Variants in COL4A2 observed in about 807,000 individuals in gnomAD.
The protein encoded by COL4A2 is collagen type IV alpha 2 chain, also known as collagen alpha-2(IV) chain.
COL4A2 carries 99 observed loss-of-function variants against 200.2 expected under a neutral mutation model. The observed-to-expected ratio is 0.49, with a 90% CI of 0.42 to 0.58. The LOEUF is 0.58. COL4A2 is among the 20% of genes least tolerant of loss of function. The pLI, the probability that COL4A2 is intolerant of heterozygous loss-of-function variation, is 0.00. For missense variants in COL4A2, 1,950 were observed against 2,314.1 expected (o/e 0.84, Z 3.23); for synonymous variants, 897 against 900.6 (o/e 1.00, Z 0.07).
Position 110,307,527 on chromosome 13 carries a change from A to G in COL4A2, c.-46A>G. 2 of 280,534 alleles carry G rather than the reference A, an allele frequency of 7.1e-6. No homozygotes were observed. The highest frequency in any genetic ancestry group is 6.6e-6 in the Non-Finnish European group (1 of 151,008). 17.4% of individuals were successfully genotyped at this position (280,534 alleles called of 1,614,324 possible). ...GCAGCAGCCCCTGAAGCCGAGCCCGAGGTGAGAGCGACCCCCGAGCGGCGC... is the reference window on the plus strand; with the variant it reads ...GCAGCAGCCCCTGAAGCCGAGCCCGGGGTGAGAGCGACCCCCGAGCGGCGC... On this transcript the variant is annotated splice_region_variant and 5_prime_UTR_variant, in exon 1 of 48. Transcript: ENST00000360467. The surrounding 1 kb of genome is among the most constrained non-coding windows in gnomAD (Gnocchi z 5.0).
At chr13:110,469,078 G>A (rs1882361587) in intron 27 of COL4A2, 139 bp from the exon 28 acceptor site, 4 of 853,036 alleles carry the variant, frequency 4.7e-6, no homozygotes, top group Middle Eastern at 2.3e-4. Context: ...GCCTGGAGGT[G>A]CTGTTTCAGG....
chr13:110,311,094 G>T (rs1035028010), intron 3 of COL4A2, among the ~76,000 whole-genome samples: 4 of 152,124 alleles, frequency 2.6e-5, no homozygotes, highest in Admixed American at 6.5e-5. Context: ...GACTAACAGT[G>T]GAGCGGGCAC....
At position 110,506,624 on chromosome 13, in the gene COL4A2, G is replaced by T; in HGVS notation, c.4594+18G>T. ...GGACCTGGGTAGGTACCTCCCACCC[G>T]GCCCCCGTTGCCTGCTCAGGGCTGG... On this transcript the variant is annotated intron_variant, in intron 46 of 47. Transcript: ENST00000360467. The T allele has an allele frequency of 1.3e-6, 2 of 1,586,066 alleles. No individual in the cohort carries two copies. The highest frequency in any genetic ancestry group is 1.8e-5 in the Admixed American group (1 of 56,440).
At position 110,408,799 on chromosome 13, in the gene COL4A2, GCACACATATATATA is replaced by G. The variant is rs1329812668; in HGVS notation, c.181-15928_181-15915del. ...CCACATGACACGCGTACACACACAC[GCACACATATATATA>G]CACACACACATGCACACACACATAC... is the stretch of plus-strand genomic sequence containing the variant. On this transcript the variant is annotated intron_variant, in intron 4 of 47. Transcript: ENST00000360467. Among the ~76,000 whole-genome samples, 36 of 39,412 alleles carry G rather than the reference GCACACATATATATA, an allele frequency of 9.1e-4. 1 individual carries two copies. Among genetic ancestry groups the G allele is most frequent in the Admixed American group, 5.3e-3 (20 of 3,798 alleles). The allele number at this position is 39,412 out of a possible 152,430, so 25.9% of individuals were successfully genotyped here. A position where few individuals can be genotyped will look rare whatever the true frequency, so the allele number is the denominator to read the frequency against.
intron 4 of COL4A2, among the ~76,000 whole-genome samples, chr13:110,412,760 G>A (rs1879892725): frequency 6.6e-6 from 1 of 152,238 alleles, no homozygotes; most frequent in Non-Finnish European, 1.5e-5. Flanking sequence ...GGAGGAGGGA[G>A]TCCTGGCATT....
intron 4 of COL4A2, among the ~76,000 whole-genome samples, chr13:110,360,005 A>G (rs977417761): frequency 5.9e-5 from 9 of 152,250 alleles, no homozygotes; most frequent in Non-Finnish European, 1.2e-4. Context: ...TAACAAGGCT[A>G]AATAATTTTT....
intron 3 of COL4A2, among the ~76,000 whole-genome samples, chr13:110,342,672 T>C (rs931299888): frequency 1.3e-5 from 2 of 152,192 alleles, no homozygotes; most frequent in Non-Finnish European, 2.9e-5. Flanking sequence ...GCATGTGGGA[T>C]GAGCATTCCT....
rs913173051 is a variant in COL4A2, at chr13:110,512,437, T to C, written c.*246T>C. The C allele has an allele frequency of 4.9e-6, 3 of 610,082 alleles. No individual in the cohort carries two copies. The highest frequency in any genetic ancestry group is 2.2e-5 in the South Asian group (1 of 46,368). 37.8% of individuals were successfully genotyped at this position (610,082 alleles called of 1,614,324 possible). On this transcript the variant is annotated 3_prime_UTR_variant, in exon 48 of 48. Coordinates refer to ENST00000360467, the MANE Select transcript of COL4A2 (RefSeq NM_001846.4). ...CAGCCCTGGCCCCCATCAGCCCTGC[T>C]AGACGCACCGCCTGAAGGCACAGCT...
intron 32 of COL4A2, among the ~76,000 whole-genome samples, chr13:110,483,998 A>T (rs900178345): frequency 1.3e-5 from 2 of 152,114 alleles, no homozygotes; most frequent in African/African-American, 4.8e-5. Context: ...GCAAAATAAA[A>T]ATTGCAATCT....
intron 3 of COL4A2, chr13:110,341,142 A>C (rs918340431): frequency 6.6e-6 from 1 of 152,342 alleles, no homozygotes; most frequent in Non-Finnish European, 1.5e-5. Context: ...TTCACTGAGC[A>C]GGTCGGTGGC....
intron 3 of COL4A2, among the ~76,000 whole-genome samples, chr13:110,356,575 C>T (rs1266215375): frequency 6.6e-6 from 1 of 152,170 alleles, no homozygotes; most frequent in Non-Finnish European, 1.5e-5. Flanking sequence ...GGTTCCCCGC[C>T]AGCATTTTCT....
chr13:110,450,345 C>T lies in COL4A2; in HGVS notation c.1230C>T (p.Gly410=). The change falls in exon 20 of 48, where the codon GGC becomes GGT. Residue 410 remains glycine, a synonymous_variant. Coordinates refer to ENST00000360467, the MANE Select transcript of COL4A2 (RefSeq NM_001846.4). ...TGCCGGGTGAGATGGGACCCAAGGG[C>T]TTCATCGGAGACCCCGGCATCCCTG... ...RGLPGEMGPK[G]FIGDPGIPAL... is the part of the protein sequence containing the mutation. 6.2e-7 allele frequency: 1 copy of T among 1,613,726 alleles called. No individual in the cohort carries two copies.
intron 3 of COL4A2, chr13:110,328,487 G>A (rs976429168): frequency 6.6e-6 from 1 of 152,216 alleles, no homozygotes; most frequent in Non-Finnish European, 1.5e-5. Context: ...GCATTTTACT[G>A]TCTTTCTCTG....
intron 4 of COL4A2, among the ~76,000 whole-genome samples, chr13:110,410,736 C>G (rs1441047483): frequency 6.6e-6 from 1 of 152,114 alleles, no homozygotes; most frequent in Non-Finnish European, 1.5e-5. Context: ...GTGGAAAGAT[C>G]ATCAGAACCC....
chr13:110,424,640 C>CAAA lies in COL4A2; in HGVS notation c.181-85_181-83dup, dbSNP rs71127938. The CAAA allele has an allele frequency of 0.013, 9,061 of 696,006 alleles. 38 individuals are homozygous for CAAA. Among genetic ancestry groups the CAAA allele is most frequent in the African/African-American group, 0.026 (1,445 of 54,774 alleles). The allele number at this position is 696,006 out of a possible 1,614,324, so 43.1% of individuals were successfully genotyped here. On this transcript the variant is annotated intron_variant, in intron 4 of 47. Coordinates refer to ENST00000360467, the MANE Select transcript of COL4A2 (RefSeq NM_001846.4). ...CCTGTAGATTATAGCTCTTTAAAAA[C>CAAA]AAAAAAAAAAATGTAGTTTTGAAAG...
chr13:110,424,180 T>C (rs1566525144), intron 4 of COL4A2, among the ~76,000 whole-genome samples: 3 of 152,118 alleles, frequency 2.0e-5, no homozygotes, highest in African/African-American at 7.2e-5. Context: ...TTTCTCCACA[T>C]CCTCACCAAT....
chr13:110,473,075 C>T lies in COL4A2; in HGVS notation c.2350C>T (p.Arg784Trp), dbSNP rs1312549863. 9.1e-6 allele frequency: 14 copies of T among 1,540,504 alleles called. No individual in the cohort carries two copies. Among genetic ancestry groups the T allele is most frequent in the South Asian group, 7.4e-5 (6 of 81,610 alleles). Residue 784 changes from arginine to tryptophan, a missense_variant, in exon 29 of 48, where the codon CGG becomes TGG. By Grantham distance (101) the Arg-to-Trp change is moderately radical (BLOSUM62 -3). Coordinates refer to ENST00000360467, the MANE Select transcript of COL4A2 (RefSeq NM_001846.4). ...GEVLGAQPGP[R>W]GDAGVPGQPG... is the part of the protein sequence containing the mutation. ...AGTCCTGGGAGCTCAGCCCGGGCCA[C>T]GGGGAGATGCTGGTGTGCCTGGACA...
chr13:110,473,776 G>A (rs926212489), intron 29 of COL4A2, among the ~76,000 whole-genome samples: 9 of 152,170 alleles, frequency 5.9e-5, no homozygotes, highest in African/African-American at 2.2e-4. Context: ...TTCACACTGG[G>A]TGAACCCCAG....
In COL4A2 at chr13:110,390,566, T is replaced by G. The variant is rs528912314; in HGVS notation, c.180+33014T>G. Among the ~76,000 whole-genome samples the G allele has an allele frequency of 5.9e-5, 9 of 152,328 alleles. No individual in the cohort carries two copies. In the South Asian group the frequency reaches 1.2e-3, roughly 21 times the overall value. The stretch of plus-strand genomic sequence containing the variant: ...AAACTGACACCCCATTAAACCATGT[T>G]TTAAAACTTGTGTATTGGGAACTTC... On this transcript the variant is annotated intron_variant, in intron 4 of 47. Coordinates refer to ENST00000360467, the MANE Select transcript of COL4A2 (RefSeq NM_001846.4).
Sources: allele counts gnomAD v4.1 joint callset (sites outside exome capture counted in the v4.1 genomes callset), GRCh38; gene constraint gnomAD v4.1.1; non-coding constraint Gnocchi (gnomAD v3.1); transcripts MANE v1.5; gene names NCBI Gene and HGNC (gene_info 2026-07-23, HGNC 2026-07-21).